Variants in TET1 observed in about 807,000 individuals in gnomAD.
TET1 encodes the protein methylcytosine dioxygenase TET1.
In TET1, 13 loss-of-function variants were observed where a neutral mutation model predicts 148.7. That is an observed-to-expected ratio of 0.09 (90% CI 0.06 to 0.14). The LOEUF is 0.14. TET1 is among the 10% of genes least tolerant of loss of function. The probability of loss-of-function intolerance (pLI) is 1.00; values close to 1 mark genes in which losing one functional copy is unlikely to be tolerated. For synonymous variants in TET1, 907 were observed against 937.2 expected, an observed-to-expected ratio of 0.97 and a Z score of 0.59; for missense variants, 2,182 against 2,553.8, an observed-to-expected ratio of 0.85 and a Z score of 3.14.
intron 6 of TET1, among the ~76,000 whole-genome samples, chr10:68,665,764 C>A (rs571335260): frequency 1.3e-5 from 2 of 151,572 alleles, no homozygotes; most frequent in African/African-American, 2.4e-5. Context: ...TGTAAGAGGA[C>A]GTATAAATAT....
rs1200910902 is a variant in TET1 at position 68,692,983 on chromosome 10, C to T, written c.*1169C>T. The T allele has an allele frequency of 2.6e-5, 6 of 230,458 alleles. No homozygotes were observed. Among genetic ancestry groups the T allele is most frequent in the Non-Finnish European group, 5.1e-5 (6 of 116,982 alleles). 14.3% of individuals were successfully genotyped at this position (230,458 alleles called of 1,614,324 possible). On this transcript the variant is annotated 3_prime_UTR_variant, in exon 12 of 12. Transcript: ENST00000373644. ...TTGAAATATTTTGAAAACAAATTCC[C>T]TACTATCATCACATGCCTCCCCAAC...
chr10:68,675,545 G>A (rs960941283), intron 8 of TET1, among the ~76,000 whole-genome samples: 1 of 151,262 alleles, frequency 6.6e-6, no homozygotes, highest in Non-Finnish European at 1.5e-5. Context: ...GAAGGCCAAA[G>A]CGTCAAACTA....
intron 3 of TET1, among the ~76,000 whole-genome samples, chr10:68,613,930 C>A (rs569696648): frequency 7.1e-6 from 1 of 140,322 alleles, no homozygotes; most frequent in Admixed American, 7.3e-5. Context: ...AAGAGCGAGA[C>A]TTCGTCTCAA....
In TET1 at chr10:68,651,948, C is replaced by T. The variant is rs1264357103; in HGVS notation, c.4367+12C>T. The T allele has an allele frequency of 6.2e-6, 10 of 1,605,310 alleles. No individual in the cohort carries two copies. In the African/African-American group the frequency reaches 6.7e-5, roughly 11 times the overall value. On this transcript the variant is annotated intron_variant, in intron 5 of 11. Transcript: ENST00000373644. ...ATCATGGAGAATAGGTGAGGAAATA[C>T]GCTTCCCTGTTAAAATCATTCTTAC...
intron 3 of TET1, among the ~76,000 whole-genome samples, chr10:68,611,083 A>G (rs1446962687): frequency 1.3e-5 from 2 of 152,144 alleles, no homozygotes. Flanking sequence ...TCACAAGGTC[A>G]GGAGTTCGAG....
At chr10:68,581,401 C>T (rs966455586) in intron 2 of TET1, among the ~76,000 whole-genome samples, 8 of 152,088 alleles carry the variant, frequency 5.3e-5, no homozygotes, top group Non-Finnish European at 1.2e-4. Context: ...CATTTTGAAA[C>T]ATATGCACTA....
At chr10:68,685,046 G>C (rs2133231096) in intron 10 of TET1, among the ~76,000 whole-genome samples, 1 of 151,958 alleles carries the variant, frequency 6.6e-6, no homozygotes, top group African/African-American at 2.4e-5. Flanking sequence ...CTTGAACCCA[G>C]GATCTTGAGT....
chr10:68,608,778 C>T (rs1056236221), intron 3 of TET1, among the ~76,000 whole-genome samples: 14 of 152,126 alleles, frequency 9.2e-5, no homozygotes, highest in South Asian at 2.1e-4. Context: ...TCAGGTGATC[C>T]GCCTACCTCA....
intron 2 of TET1, among the ~76,000 whole-genome samples, chr10:68,595,201 C>T (rs1452399783): frequency 3.3e-5 from 5 of 150,514 alleles, no homozygotes; most frequent in African/African-American, 9.7e-5. Context: ...TTTTCTTATT[C>T]CTTAAATTTT....
intron 1 of TET1, among the ~76,000 whole-genome samples, chr10:68,563,671 G>A (rs2053578075): frequency 6.6e-6 from 1 of 152,226 alleles, no homozygotes; most frequent in Non-Finnish European, 1.5e-5. Flanking sequence ...ACATGTTGCT[G>A]TCAATACTGG....
At chr10:68,582,339 G>A (rs7100151) in intron 2 of TET1, among the ~76,000 whole-genome samples, 23,440 of 151,906 alleles carry the variant, frequency 0.15, 1,983 homozygotes, top group South Asian at 0.25. Context: ...CAGGTGATCC[G>A]CCCACCTCGT....
chr10:68,604,370 T>C (rs926844432), intron 3 of TET1, among the ~76,000 whole-genome samples: 8 of 152,022 alleles, frequency 5.3e-5, no homozygotes, highest in African/African-American at 1.9e-4. Context: ...TTCAATAGTG[T>C]GGGAGGGTTA....
At chr10:68,664,930 A>C (rs1317489125) in intron 6 of TET1, among the ~76,000 whole-genome samples, 2 of 151,610 alleles carry the variant, frequency 1.3e-5, no homozygotes, top group Non-Finnish European at 2.9e-5. Flanking sequence ...ACATGCCACT[A>C]TGCCGGGTTT....
At chr10:68,623,338 A>G (rs137912098) in intron 3 of TET1, among the ~76,000 whole-genome samples, 77 of 152,246 alleles carry the variant, frequency 5.1e-4, no homozygotes, top group African/African-American at 1.7e-3. Flanking sequence ...ATTTTATTCT[A>G]TGGGCTATAA....
chr10:68,567,451 C>G (rs10998282), intron 1 of TET1, among the ~76,000 whole-genome samples: 1 of 151,740 alleles, frequency 6.6e-6, no homozygotes, highest in Admixed American at 6.6e-5. Context: ...TATACCACCA[C>G]GCCCGGCTAA....
chr10:68,624,630 T>A (rs1246599234), intron 3 of TET1, among the ~76,000 whole-genome samples: 1 of 41,416 alleles, frequency 2.4e-5, no homozygotes, highest in East Asian at 5.8e-4. Flanking sequence ...CTTTCTTTCT[T>A]TCTTTCTTTC....
In TET1 at chr10:68,681,466, C is replaced by T; in HGVS notation, c.4892C>T (p.Ala1631Val). ...TTAGCTCCAATTTATAAGCAGTATG[C>T]TCCAGTAGCTTACCAAAATCAGGTA... ...TRLAPIYKQY[A>V]PVAYQNQVEY... is the part of the protein sequence containing the mutation. Residue 1631 changes from alanine (A) to valine (V), a missense_variant, in exon 9 of 12, where the codon GCT (alanine) becomes GTT (valine). Ala to Val is a moderately conservative substitution (Grantham distance 64, BLOSUM62 0). This residue lies in a region of TET1 where 55 missense variants were observed against 149.8 expected (regional missense o/e 0.37). Coordinates refer to ENST00000373644, the MANE Select transcript of TET1 (RefSeq NM_030625.3). The T allele has an allele frequency of 6.2e-7, 1 of 1,612,856 alleles. No individual in the cohort carries two copies. The highest frequency in any genetic ancestry group is 8.5e-7 in the Non-Finnish European group (1 of 1,179,128).
At chr10:68,580,760 C>T (rs1212468820) in intron 2 of TET1, among the ~76,000 whole-genome samples, 1 of 121,398 alleles carries the variant, frequency 8.2e-6, no homozygotes, top group East Asian at 2.3e-4. Flanking sequence ...CCAGCCTGGG[C>T]AACAAGAGCG....
chr10:68,564,587 A>G (rs1169264948), intron 1 of TET1, among the ~76,000 whole-genome samples: 1 of 152,190 alleles, frequency 6.6e-6, no homozygotes, highest in Admixed American at 6.5e-5. Flanking sequence ...GATGGTGTCC[A>G]TTAATTGCAC....
Sources: allele counts gnomAD v4.1 joint callset (sites outside exome capture counted in the v4.1 genomes callset), GRCh38; gene constraint gnomAD v4.1.1; regional missense constraint gnomAD v4.1.1; transcripts MANE v1.5; gene names NCBI Gene and HGNC (gene_info 2026-07-23, HGNC 2026-07-21).